Variants in TMEM63A observed in about 807,000 individuals in gnomAD.
TMEM63A encodes the protein mechanosensitive cation channel TMEM63A.
Under a neutral mutation model 100.6 loss-of-function variants are expected in TMEM63A, and 76 were observed. The ratio of observed to expected loss-of-function variants is 0.76; its 90% CI spans 0.63 to 0.91. The LOEUF (loss-of-function observed/expected upper bound fraction) is 0.91, where lower values mean the gene tolerates loss of function less well. Ranked by LOEUF, TMEM63A falls within the 40% of genes least tolerant of loss-of-function variation. The probability of loss-of-function intolerance (pLI) is 0.00; values close to 1 mark genes in which losing one functional copy is unlikely to be tolerated. For synonymous variants in TMEM63A, 401 were observed against 401.1 expected, an observed-to-expected ratio of 1.00 and a Z score of 0.00; for missense variants, 876 against 1,008.8, an observed-to-expected ratio of 0.87 and a Z score of 1.78.
downstream of TMEM63A, chr1:225,844,417 A>G (rs1229743361): frequency 3.7e-6 from 6 of 1,610,698 alleles, no homozygotes; most frequent in South Asian, 3.3e-5. Flanking sequence ...AGGGCCTGGC[A>G]TTTGTAGGAC....
rs1370199145 is a variant in TMEM63A at position 225,866,560 on chromosome 1, C to T, written c.675+14G>A. On this transcript the variant is annotated intron_variant, in intron 9 of 24. Coordinates refer to ENST00000366835, the MANE Select transcript of TMEM63A (RefSeq NM_014698.3). ...TCCCTCCCAGCACATGTCCCTAAGT[C>T]CCGCCTCACTCACCAGGTTCTCCTC... The T allele has an allele frequency of 1.9e-6, 3 of 1,611,808 alleles. No individual in the cohort carries two copies. The highest frequency in any genetic ancestry group is 1.7e-6 in the Non-Finnish European group (2 of 1,178,412).
At chr1:225,881,052 C>G (rs1671062277) in intron 1 of TMEM63A, among the ~76,000 whole-genome samples, 1 of 152,216 alleles carries the variant, frequency 6.6e-6, no homozygotes, top group Non-Finnish European at 1.5e-5. Context: ...CTTTCAGATG[C>G]AGAATAAGGT....
chr1:225,880,648 C>T (rs529161869), intron 1 of TMEM63A, among the ~76,000 whole-genome samples: 3 of 152,256 alleles, frequency 2.0e-5, no homozygotes, highest in Non-Finnish European at 2.9e-5. Context: ...GGTAGGAAAG[C>T]CAAGAATTAC....
Position 225,863,110 on chromosome 1 carries a change from G to A in TMEM63A, c.747-259C>T. The stretch of plus-strand genomic sequence containing the variant: ...ACTCTGTCACCCAGGCTGCTGTACA[G>A]TGGCACAATCATGGCTCACTGTAGC... On this transcript the variant is annotated intron_variant, in intron 10 of 24. Coordinates refer to ENST00000366835, the MANE Select transcript of TMEM63A (RefSeq NM_014698.3). 9 of 485,894 alleles carry A rather than the reference G, an allele frequency of 1.9e-5. No homozygotes were observed. The South Asian group carries it at 1.9e-4, about 10-fold the overall frequency. The allele number at this position is 485,894 out of a possible 1,614,324, so 30.1% of individuals were successfully genotyped here.
chr1:225,845,108 C>CCACAGCCT, downstream of TMEM63A: 1 of 1,607,920 alleles, frequency 6.2e-7, no homozygotes, highest in Non-Finnish European at 8.5e-7. Flanking sequence ...GGGCGCAGGG[C>CCACAGCCT]CACAGCCTCA....
chr1:225,873,153 C>T (rs181540675), intron 4 of TMEM63A, among the ~76,000 whole-genome samples: 75 of 152,120 alleles, frequency 4.9e-4, no homozygotes, highest in African/African-American at 1.8e-3. Flanking sequence ...GGAGACCGAC[C>T]CTATTAAGTT....
chr1:225,866,042 C>A lies in TMEM63A; in HGVS notation c.676-75G>T. On this transcript the variant is annotated intron_variant, in intron 9 of 24. Coordinates refer to ENST00000366835, the MANE Select transcript of TMEM63A (RefSeq NM_014698.3). ...CGGTATGCTCAGGTTTCCTACCCAA[C>A]TCCAGCCTCTGGAAAGTAAACAACA... The A allele has an allele frequency of 2.0e-6, 3 of 1,472,220 alleles. No individual in the cohort carries two copies. In the South Asian group the frequency reaches 3.5e-5, roughly 17 times the overall value. The allele number at this position is 1,472,220 out of a possible 1,614,324, so 91.2% of individuals were successfully genotyped here.
At chr1:225,861,776 G>A (rs372460778) in intron 13 of TMEM63A, 20 of 191,428 alleles carry the variant, frequency 1.0e-4, no homozygotes, top group East Asian at 3.7e-4. Flanking sequence ...GCGCCCCAGC[G>A]TGCCCCAGGG....
At chr1:225,877,365 C>T (rs761214418) in intron 3 of TMEM63A, 30 bp downstream of exon 3, 2 of 1,583,746 alleles carry the variant, frequency 1.3e-6, no homozygotes, top group East Asian at 4.5e-5. Context: ...ATAACTGAGG[C>T]AGTGGGACAC....
chr1:225,871,315 A>G (rs1279822559), intron 5 of TMEM63A, among the ~76,000 whole-genome samples: 1 of 152,230 alleles, frequency 6.6e-6, no homozygotes, highest in Non-Finnish European at 1.5e-5. Context: ...TCTCCTGACA[A>G]CTTCGTGGTC....
chr1:225,852,578 C>T, intron 20 of TMEM63A, 86 bp downstream of exon 20: 1 of 1,320,138 alleles, frequency 7.6e-7, no homozygotes, highest in Non-Finnish European at 1.1e-6. Flanking sequence ...TCCATTGTGC[C>T]CTGGTGATAG....
chr1:225,849,672 T>C (rs557575916), intron 21 of TMEM63A, among the ~76,000 whole-genome samples: 27 of 152,304 alleles, frequency 1.8e-4, no homozygotes, highest in African/African-American at 6.3e-4. Context: ...CTGGGTATCA[T>C]GTTTTGATTG....
chr1:225,858,980 G>GTGTGTGTGTGTA (rs1310536334), intron 15 of TMEM63A, among the ~76,000 whole-genome samples: 10 of 151,148 alleles, frequency 6.6e-5, no homozygotes, highest in African/African-American at 2.2e-4. Context: ...GTGTGTGTGT[G>GTGTGTGTGTGTA]TGTGTGTGTG....
downstream of TMEM63A, chr1:225,845,485 C>T: frequency 1.2e-6 from 1 of 840,860 alleles, no homozygotes; most frequent in Non-Finnish European, 1.9e-6. Flanking sequence ...ACCCCCTCAC[C>T]CCTCCAAGCT....
chr1:225,849,042 T>G (rs1202334251), intron 21 of TMEM63A, 30 bp from the exon 22 acceptor site: 150 of 418,292 alleles, frequency 3.6e-4, no homozygotes, highest in Middle Eastern at 5.3e-4. Context: ...AGCCTTGGGG[T>G]GGGCAGGGAG....
chr1:225,871,341 G>A (rs1434654474), intron 5 of TMEM63A, among the ~76,000 whole-genome samples: 2 of 152,202 alleles, frequency 1.3e-5, no homozygotes, highest in African/African-American at 4.8e-5. Flanking sequence ...ACAAAACTTA[G>A]ATCAAAAGCT....
At position 225,866,572 on chromosome 1, in the gene TMEM63A, A is replaced by C; in HGVS notation, c.675+2T>G. 1 of 1,613,518 alleles carries C rather than the reference A, an allele frequency of 6.2e-7. No homozygotes were observed. Among genetic ancestry groups the C allele is most frequent in the Non-Finnish European group, 8.5e-7 (1 of 1,179,610 alleles). On this transcript the variant is annotated splice_donor_variant, in intron 9 of 24. Coordinates refer to ENST00000366835, the MANE Select transcript of TMEM63A (RefSeq NM_014698.3). LOFTEE classifies it high-confidence loss of function. ...CATGTCCCTAAGTCCCGCCTCACTC[A>C]CCAGGTTCTCCTCTTTGTACTTAAT... is the stretch of plus-strand genomic sequence containing the variant.
intron 21 of TMEM63A, 75 bp downstream of exon 21, chr1:225,849,837 G>T: frequency 6.5e-7 from 1 of 1,547,676 alleles, no homozygotes; most frequent in Non-Finnish European, 8.8e-7. Flanking sequence ...TGAAAGCAAT[G>T]AGGGATCTGA....
intron 13 of TMEM63A, 59 bp from the exon 14 acceptor site, chr1:225,861,056 T>G: frequency 6.4e-7 from 1 of 1,555,354 alleles, no homozygotes; most frequent in Non-Finnish European, 8.7e-7. Flanking sequence ...AGCACACATG[T>G]GGCAAGTGGG....
Sources: allele counts gnomAD v4.1 joint callset (sites outside exome capture counted in the v4.1 genomes callset), GRCh38; gene constraint gnomAD v4.1.1; transcripts MANE v1.5; gene names NCBI Gene and HGNC (gene_info 2026-07-23, HGNC 2026-07-21).